Variants in TRIT1 observed in about 807,000 individuals in gnomAD.
The protein encoded by TRIT1 is tRNA isopentenyltransferase 1.
TRIT1 carries 43 observed loss-of-function variants against 51.2 expected under a neutral mutation model. The observed-to-expected ratio is 0.84, with a 90% CI of 0.66 to 1.08. The LOEUF is 1.08. TRIT1 is among the 50% of genes least tolerant of loss of function. TRIT1 has a pLI of 0.00. For synonymous variants in TRIT1, 184 were observed against 203.9 expected, an observed-to-expected ratio of 0.90 and a Z score of 0.83; for missense variants, 528 against 578.4, an observed-to-expected ratio of 0.91 and a Z score of 0.89.
intron 10 of TRIT1, among the ~76,000 whole-genome samples, chr1:39,842,836 G>A (rs1641994503): frequency 6.6e-6 from 1 of 152,142 alleles, no homozygotes; most frequent in Non-Finnish European, 1.5e-5. Context: ...TTTACTTGGG[G>A]AAGAAGTCAG....
In TRIT1 at chr1:39,853,951, A is replaced by C. The variant is rs747336586; in HGVS notation, c.414+19T>G. On this transcript the variant is annotated intron_variant, in intron 3 of 10. Transcript: ENST00000316891. ...GAGCAATCCATTTCCTCAGTGAGTT[A>C]CGAGTGAACTAAACTTACCTTGGTA... 2.0e-6 allele frequency: 3 copies of C among 1,536,222 alleles called. No homozygotes were observed. In the South Asian group the frequency reaches 3.4e-5, roughly 17 times the overall value.
intron 9 of TRIT1, 58 bp downstream of exon 9, chr1:39,844,473 C>T: frequency 7.5e-7 from 1 of 1,333,102 alleles, no homozygotes; most frequent in Non-Finnish European, 1.1e-6. Flanking sequence ...ACAAAGGTGT[C>T]AGCTAATGAA....
chr1:39,838,123 C>T lies in TRIT1; in HGVS notation c.*3621G>A. Among the ~76,000 whole-genome samples, 1 of 152,206 alleles carries T rather than the reference C, an allele frequency of 6.6e-6. No individual in the cohort carries two copies. Among genetic ancestry groups the T allele is most frequent in the African/African-American group, 2.4e-5 (1 of 41,452 alleles). On this transcript the variant is annotated 3_prime_UTR_variant, in exon 11 of 11. Transcript: ENST00000316891. ...GAGTCTCTTTGTTATAGCAACTTAG[C>T]CTTTTACCTGAACTAATACAAACAT...
rs534826088 is a variant in TRIT1, at chr1:39,859,591, AAAAG to A, written c.175-2178_175-2175del. On this transcript the variant is annotated intron_variant, in intron 1 of 10. Transcript: ENST00000316891. Reference sequence around the variant, plus strand: ...GAGCCAGACTTTGTCTCAAAAAAAAAAAAGAAAGAAAGAAAGAAAAGAAAACTAA... The same window carrying A: ...GAGCCAGACTTTGTCTCAAAAAAAAAAAAGAAAGAAAGAAAAGAAAACTAA... 8.7e-3 allele frequency among the ~76,000 whole-genome samples: 1,324 copies of A among 152,024 alleles called. 21 individuals carry two copies. The highest frequency in any genetic ancestry group is 0.031 in the African/African-American group (1,275 of 41,446).
At chr1:39,857,803 C>A (rs1353385728) in intron 1 of TRIT1, among the ~76,000 whole-genome samples, 1 of 152,208 alleles carries the variant, frequency 6.6e-6, no homozygotes, top group East Asian at 1.9e-4. Context: ...CATAGTTCTA[C>A]TTCAAAATGC....
At chr1:39,867,877 C>T (rs1476345308) in intron 1 of TRIT1, among the ~76,000 whole-genome samples, 1 of 152,114 alleles carries the variant, frequency 6.6e-6, no homozygotes, top group Non-Finnish European at 1.5e-5. Context: ...TAATGAATTC[C>T]TACTGAGGTG....
intron 4 of TRIT1, among the ~76,000 whole-genome samples, chr1:39,851,948 TAA>T (rs34860273): frequency 1.3e-4 from 16 of 126,282 alleles, no homozygotes; most frequent in Non-Finnish European, 1.2e-4. Flanking sequence ...CTCTATCTCT[TAA>T]AAAAAAAAAA....
At chr1:39,863,730 G>A (rs1271144073) in intron 1 of TRIT1, among the ~76,000 whole-genome samples, 3 of 142,284 alleles carry the variant, frequency 2.1e-5, no homozygotes, top group Admixed American at 2.1e-4. Flanking sequence ...AACTAATGAA[G>A]GTAAAAGAAA....
chr1:39,880,461 G>A (rs1425008657), intron 1 of TRIT1, among the ~76,000 whole-genome samples: 2 of 152,098 alleles, frequency 1.3e-5, no homozygotes, highest in African/African-American at 2.4e-5. Flanking sequence ...ATACTAGTGA[G>A]TCAACCTCAA....
intron 1 of TRIT1, among the ~76,000 whole-genome samples, chr1:39,858,277 T>TAA (rs1203351466): frequency 6.6e-6 from 1 of 152,194 alleles, no homozygotes; most frequent in Admixed American, 6.5e-5. Flanking sequence ...TCCCTTTACT[T>TAA]ACACGGGTGT....
At chr1:39,852,525 A>T in intron 4 of TRIT1, 1 of 624,806 alleles carries the variant, frequency 1.6e-6, no homozygotes. Context: ...TATGCATTTA[A>T]AATGTAACAA....
intron 1 of TRIT1, among the ~76,000 whole-genome samples, chr1:39,877,997 T>A (rs1395413688): frequency 6.6e-6 from 1 of 152,180 alleles, no homozygotes; most frequent in African/African-American, 2.4e-5. Context: ...GCACAAATGT[T>A]GTTTCTCACT....
intron 1 of TRIT1, among the ~76,000 whole-genome samples, chr1:39,871,735 G>A (rs2124670394): frequency 6.6e-6 from 1 of 152,316 alleles, no homozygotes; most frequent in East Asian, 1.9e-4. Context: ...GCCAGAGATT[G>A]AAGGAGATAG....
At chr1:39,875,414 G>C (rs895581252) in intron 1 of TRIT1, among the ~76,000 whole-genome samples, 2 of 152,052 alleles carry the variant, frequency 1.3e-5, no homozygotes, top group Admixed American at 6.6e-5. Flanking sequence ...CTTGAACCCG[G>C]GAGGTGGAGG....
intron 8 of TRIT1, among the ~76,000 whole-genome samples, chr1:39,845,886 C>G (rs373937241): frequency 1.4e-4 from 21 of 152,144 alleles, no homozygotes; most frequent in African/African-American, 5.1e-4. Context: ...CAGGACGATG[C>G]CGGCATACAC....
At chr1:39,862,726 T>C in intron 1 of TRIT1, 1 of 975,964 alleles carries the variant, frequency 1.0e-6, no homozygotes, top group South Asian at 4.7e-5. Flanking sequence ...AGGCTTATTA[T>C]TTTATTACCA....
intron 3 of TRIT1, among the ~76,000 whole-genome samples, chr1:39,853,125 G>A (rs1182855171): frequency 6.6e-6 from 1 of 152,168 alleles, no homozygotes; most frequent in Non-Finnish European, 1.5e-5. Flanking sequence ...GTTCAAACAG[G>A]TACCAGGGCT....
intron 1 of TRIT1, among the ~76,000 whole-genome samples, chr1:39,879,052 G>A (rs1478243471): frequency 6.6e-6 from 1 of 151,814 alleles, no homozygotes; most frequent in Non-Finnish European, 1.5e-5. Context: ...GGCGGATCCC[G>A]AGGTCAAGAG....
At chr1:39,859,260 CAAAAAAAAAAAAAAAA>C (rs3033562) in intron 1 of TRIT1, among the ~76,000 whole-genome samples, 9 of 19,032 alleles carry the variant, frequency 4.7e-4, no homozygotes, top group Non-Finnish European at 8.6e-4. Flanking sequence ...GACTCCGTCT[CAAAAAAAAAAAAAAAA>C]AAAAAAAAAA....
Sources: allele counts gnomAD v4.1 joint callset (sites outside exome capture counted in the v4.1 genomes callset), GRCh38; gene constraint gnomAD v4.1.1; transcripts MANE v1.5; gene names NCBI Gene and HGNC (gene_info 2026-07-23, HGNC 2026-07-21).